TAFA2: variants seen among roughly 807,000 people sequenced by gnomAD.
TAFA2 encodes chemokine-like protein TAFA-2.
TAFA2 carries 7 observed loss-of-function variants against 18.8 expected under a neutral mutation model. The observed-to-expected ratio is 0.37, with a 90% CI of 0.21 to 0.70. The LOEUF is 0.70. TAFA2 is among the 30% of genes least tolerant of loss of function. The pLI, the probability that TAFA2 is intolerant of heterozygous loss-of-function variation, is 0.53. For missense variants in TAFA2, 122 were observed against 158.1 expected (o/e 0.77, Z 1.23); for synonymous variants, 60 against 54.2 (o/e 1.11, Z -0.47).
chr12:62,256,534 C>T (rs898904828), intron 1 of TAFA2, among the ~76,000 whole-genome samples: 1 of 152,124 alleles, frequency 6.6e-6, no homozygotes, highest in Admixed American at 6.5e-5. Flanking sequence ...GAAATCTAAT[C>T]ACTTTATTTT....
At chr12:62,061,294 C>A (rs950412660) in intron 1 of TAFA2, among the ~76,000 whole-genome samples, 5 of 152,122 alleles carry the variant, frequency 3.3e-5, no homozygotes, top group African/African-American at 9.7e-5. Context: ...TTAACTCTAC[C>A]TTTTCCATAT....
At chr12:61,895,336 T>C (rs1466268106) in intron 1 of TAFA2, among the ~76,000 whole-genome samples, 2 of 152,178 alleles carry the variant, frequency 1.3e-5, no homozygotes, top group Admixed American at 6.5e-5. Flanking sequence ...CTTAATTCCA[T>C]GGTTTTTCTT....
At chr12:61,761,836 T>C (rs1869561136) in intron 2 of TAFA2, among the ~76,000 whole-genome samples, 1 of 152,072 alleles carries the variant, frequency 6.6e-6, no homozygotes, top group Non-Finnish European at 1.5e-5. Context: ...TCAAATCCCA[T>C]GCTGAAATGT....
chr12:61,741,386 G>GCTTTC (rs1868440742), intron 4 of TAFA2, among the ~76,000 whole-genome samples: 1 of 151,804 alleles, frequency 6.6e-6, no homozygotes, highest in Non-Finnish European at 1.5e-5. Context: ...TATGAAGATA[G>GCTTTC]TCTAGTTGAG....
chr12:61,880,066 A>G (rs938050195), intron 1 of TAFA2: 2 of 664,758 alleles, frequency 3.0e-6, no homozygotes, highest in Non-Finnish European at 5.5e-6. Flanking sequence ...TGCTGTCCAT[A>G]GACAGCAGCC....
chr12:62,120,917 G>A lies in TAFA2; in HGVS notation c.-2+70342C>T, dbSNP rs554892691. 7.2e-5 allele frequency among the ~76,000 whole-genome samples: 11 copies of A among 152,038 alleles called. 1 individual carries two copies. In the South Asian group the frequency reaches 1.9e-3, roughly 26 times the overall value. On this transcript the variant is annotated intron_variant, in intron 1 of 4. Coordinates refer to ENST00000416284, the MANE Select transcript of TAFA2 (RefSeq NM_178539.5). Reference sequence around the variant, plus strand: ...ATTGCCCACGCTGGAGTGCAATGGCGTGATCTCGGCTCACTGCAGCCTCTG... The same window carrying A: ...ATTGCCCACGCTGGAGTGCAATGGCATGATCTCGGCTCACTGCAGCCTCTG...
At chr12:62,012,707 C>G (rs1880811783) in intron 1 of TAFA2, among the ~76,000 whole-genome samples, 1 of 152,030 alleles carries the variant, frequency 6.6e-6, no homozygotes, top group South Asian at 2.1e-4. Context: ...ACACAGCACC[C>G]AAAATTTAAC....
intron 1 of TAFA2, chr12:62,070,345 CAT>C (rs1348288371): frequency 6.6e-6 from 1 of 152,144 alleles, no homozygotes; most frequent in Non-Finnish European, 1.5e-5. Flanking sequence ...TCATGAGACA[CAT>C]AGTGAAAAAT....
chr12:61,927,027 A>T (rs940727641), intron 1 of TAFA2, among the ~76,000 whole-genome samples: 3 of 147,418 alleles, frequency 2.0e-5, no homozygotes, highest in African/African-American at 7.5e-5. Flanking sequence ...GTAAGCCGAG[A>T]TCGCACCACT....
chr12:61,755,575 C>T (rs1234668518), intron 2 of TAFA2, among the ~76,000 whole-genome samples: 1 of 152,050 alleles, frequency 6.6e-6, no homozygotes, highest in East Asian at 1.9e-4. Context: ...TTGAAATTGC[C>T]ACCATTTTTC....
At chr12:62,137,379 GTTA>G (rs1383274288) in intron 1 of TAFA2, among the ~76,000 whole-genome samples, 1 of 152,112 alleles carries the variant, frequency 6.6e-6, no homozygotes, top group African/African-American at 2.4e-5. Context: ...CTGGGAGCTA[GTTA>G]TTATTATTCC....
intron 4 of TAFA2, among the ~76,000 whole-genome samples, chr12:61,713,630 A>G (rs1404485211): frequency 6.6e-6 from 1 of 152,196 alleles, no homozygotes; most frequent in Non-Finnish European, 1.5e-5. Flanking sequence ...TAGGAAAATG[A>G]TTCTAAATAT....
At chr12:61,719,784 G>A (rs1244053051) in intron 4 of TAFA2, among the ~76,000 whole-genome samples, 1 of 152,174 alleles carries the variant, frequency 6.6e-6, no homozygotes, top group East Asian at 1.9e-4. Context: ...TCACTTAAAA[G>A]GACTTGATGT....
At chr12:61,762,822 A>T (rs11174164) in intron 2 of TAFA2, among the ~76,000 whole-genome samples, 1 of 151,840 alleles carries the variant, frequency 6.6e-6, no homozygotes, top group African/African-American at 2.4e-5. Flanking sequence ...CTCATTGATT[A>T]TGAAATTTTG....
chr12:61,961,097 A>G (rs1284187915), intron 1 of TAFA2, among the ~76,000 whole-genome samples: 1 of 151,930 alleles, frequency 6.6e-6, no homozygotes, highest in East Asian at 2.0e-4. Context: ...TCATGGCAGA[A>G]GGTGAAGGGA....
intron 1 of TAFA2, among the ~76,000 whole-genome samples, chr12:62,102,236 A>G (rs1355711297): frequency 1.3e-5 from 2 of 152,198 alleles, no homozygotes; most frequent in African/African-American, 4.8e-5. Flanking sequence ...TTTGGATTGA[A>G]GTGGAATGGT....
At chr12:61,805,148 ATATAT>A (rs752388337) in intron 2 of TAFA2, among the ~76,000 whole-genome samples, 31 of 152,020 alleles carry the variant, frequency 2.0e-4, no homozygotes, top group Non-Finnish European at 7.4e-5. Context: ...TAAATATAAC[ATATAT>A]TATAATCAAA....
intron 1 of TAFA2, among the ~76,000 whole-genome samples, chr12:62,102,390 A>G (rs774222659): frequency 6.6e-6 from 1 of 152,238 alleles, no homozygotes; most frequent in Non-Finnish European, 1.5e-5. Context: ...CTTGAAGGTC[A>G]CAATTAAATT....
chr12:61,864,772 C>CAAAAAA (rs34286549), intron 2 of TAFA2, among the ~76,000 whole-genome samples: 1 of 78,380 alleles, frequency 1.3e-5, no homozygotes, highest in African/African-American at 4.9e-5. Context: ...GACTCCGTCT[C>CAAAAAA]AAAAAAAAAA....
Sources: gnomAD v4.1 joint callset for allele counts (sites outside exome capture counted in the v4.1 genomes callset) on GRCh38, gnomAD v4.1.1 for gene constraint, MANE v1.5 for transcripts, NCBI Gene and HGNC (gene_info 2026-07-23, HGNC 2026-07-21) for gene names.